The following PRRG1 variants were observed in gnomAD, a reference collection of about 807,000 sequenced individuals.
PRRG1 encodes proline rich and Gla domain 1.
Under a neutral mutation model 11.8 loss-of-function variants are expected in PRRG1, and 5 were observed. The observed-to-expected ratio is 0.42, with a 90% CI of 0.22 to 0.89. The LOEUF is 0.89. Ranked by LOEUF, PRRG1 falls within the 40% of genes least tolerant of loss-of-function variation. The pLI, the probability that PRRG1 is intolerant of heterozygous loss-of-function variation, is 0.28. For missense variants in PRRG1, 155 were observed against 166.1 expected, an observed-to-expected ratio of 0.93 and a Z score of 0.37; for synonymous variants, 66 against 60.4, an observed-to-expected ratio of 1.09 and a Z score of -0.43.
At chrX:37,420,938 A>G in intron 2 of PRRG1, among the ~76,000 whole-genome samples, 1 of 111,195 alleles carries the variant, frequency 9.0e-6, no homozygotes, top group Non-Finnish European at 1.9e-5. Context: ...CACACCCACC[A>G]GAAATATGCC....
intron 2 of PRRG1, 171 bp from the exon 3 acceptor site, chrX:37,425,669 A>G: frequency 2.4e-6 from 1 of 413,652 alleles, no homozygotes; most frequent in Non-Finnish European, 4.2e-6. Context: ...GGACATACTC[A>G]CATCATGAGG....
At position 37,411,890 on chromosome X, in the gene PRRG1, C is replaced by A. The variant is rs1250929721; in HGVS notation, c.10+5631C>A. Among the ~76,000 whole-genome samples the A allele has an allele frequency of 2.7e-5, 3 of 111,697 alleles. No homozygotes were observed. In the East Asian group the frequency reaches 8.4e-4, roughly 31 times the overall value. ...GAATAGCTTAATGATTGCAATCAGG[C>A]AGGTCTACTTTGTGGAGGATAATCT... is the stretch of plus-strand genomic sequence containing the variant. On this transcript the variant is annotated intron_variant, in intron 2 of 3. Transcript: ENST00000378628.
At chrX:37,431,365 G>C (rs1393059148) in intron 3 of PRRG1, among the ~76,000 whole-genome samples, 1 of 112,229 alleles carries the variant, frequency 8.9e-6, no homozygotes, top group Non-Finnish European at 1.9e-5. Flanking sequence ...CTCACCAACA[G>C]TGTTTGAGAG....
At chrX:37,426,516 G>C (rs1932776399) in intron 3 of PRRG1, among the ~76,000 whole-genome samples, 1 of 111,880 alleles carries the variant, frequency 8.9e-6, no homozygotes, top group African/African-American at 3.3e-5. Context: ...AAAGTCTATA[G>C]AACTGCTCCA....
chrX:37,418,566 T>A lies in PRRG1; in HGVS notation c.11-7274T>A, dbSNP rs182337717. Among the ~76,000 whole-genome samples, 483 of 112,278 alleles carry A rather than the reference T, an allele frequency of 4.3e-3. 5 individuals are homozygous for A. Among genetic ancestry groups the A allele is most frequent in the African/African-American group, 0.015 (470 of 30,947 alleles). On this transcript the variant is annotated intron_variant, in intron 2 of 3. Transcript: ENST00000378628. ...CTTTTTAAACATGATTTAAAAGATT[T>A]TTAAAAACCATATTTTTATAGAAAT...
intron 1 of PRRG1, among the ~76,000 whole-genome samples, chrX:37,367,965 C>T (rs1001631177): frequency 5.4e-5 from 6 of 112,129 alleles, no homozygotes; most frequent in Non-Finnish European, 9.4e-5. Context: ...AATATTGAGT[C>T]GTTTTGATGA....
chrX:37,353,834 G>T (rs782709974), intron 1 of PRRG1, among the ~76,000 whole-genome samples: 1 of 112,375 alleles, frequency 8.9e-6, no homozygotes, highest in African/African-American at 3.2e-5. Context: ...ACACAACAAC[G>T]AAATCGCCTA....
intron 2 of PRRG1, among the ~76,000 whole-genome samples, chrX:37,424,213 G>C (rs990516900): frequency 1.8e-5 from 2 of 111,581 alleles, no homozygotes; most frequent in African/African-American, 6.5e-5. Flanking sequence ...CTTTAAATTT[G>C]TTAACCCTAG....
intron 1 of PRRG1, among the ~76,000 whole-genome samples, chrX:37,400,921 A>G (rs1556380042): frequency 9.0e-6 from 1 of 111,528 alleles, no homozygotes; most frequent in Non-Finnish European, 1.9e-5. Context: ...ACACCCTCCC[A>G]AGACTAAACC....
intron 2 of PRRG1, among the ~76,000 whole-genome samples, chrX:37,414,060 A>T (rs1319703757): frequency 8.9e-6 from 1 of 111,840 alleles, no homozygotes; most frequent in Non-Finnish European, 1.9e-5. Context: ...AAAATCACCT[A>T]ACGATGCATT....
intron 2 of PRRG1, among the ~76,000 whole-genome samples, chrX:37,415,457 T>G (rs1733603612): frequency 8.9e-6 from 1 of 111,872 alleles, no homozygotes; most frequent in South Asian, 3.8e-4. Flanking sequence ...TGGTTAACAG[T>G]CCACTTTGGA....
At chrX:37,433,217 A>G (rs1391544698) in intron 3 of PRRG1, among the ~76,000 whole-genome samples, 1 of 111,560 alleles carries the variant, frequency 9.0e-6, no homozygotes, top group Non-Finnish European at 1.9e-5. Context: ...CAAAGTGCTC[A>G]GAATCACCCA....
chrX:37,429,767 G>C (rs1186694355), intron 3 of PRRG1, among the ~76,000 whole-genome samples: 1 of 111,565 alleles, frequency 9.0e-6, no homozygotes, highest in Non-Finnish European at 1.9e-5. Flanking sequence ...TATTGTATTA[G>C]TCGTTTTTAC....
chrX:37,396,767 G>A (rs1016851705), intron 1 of PRRG1, among the ~76,000 whole-genome samples: 4 of 110,736 alleles, frequency 3.6e-5, no homozygotes, highest in South Asian at 3.8e-4. Context: ...TTTGTCTCTC[G>A]TTTGCCAATT....
At chrX:37,408,077 T>G (rs2146584894) in intron 2 of PRRG1, among the ~76,000 whole-genome samples, 1 of 111,988 alleles carries the variant, frequency 8.9e-6, no homozygotes, top group South Asian at 3.7e-4. Context: ...TAAAAACTAT[T>G]CGGAATTCTG....
intron 1 of PRRG1, among the ~76,000 whole-genome samples, chrX:37,355,414 G>A (rs190855568): frequency 8.1e-4 from 91 of 111,941 alleles, no homozygotes; most frequent in Non-Finnish European, 1.5e-3. Context: ...GAATATGGAA[G>A]AACTGAAAAT....
Position 37,426,001 on chromosome X carries a change from G to GT in PRRG1, c.171+2dup. 3 of 1,173,107 alleles carry GT rather than the reference G, an allele frequency of 2.6e-6. No homozygotes were observed. The highest frequency in any genetic ancestry group is 3.6e-5 in the African/African-American group (2 of 55,745). ...AGCTTTTGAAAATAATGAAAAAACTGTAAGTATGTTGGCAATTAAAAAGTT... is the reference window on the plus strand; with the variant it reads ...AGCTTTTGAAAATAATGAAAAAACTGTTAAGTATGTTGGCAATTAAAAAGTT... On this transcript the variant is annotated splice_donor_variant, in intron 3 of 3. Transcript: ENST00000378628. LOFTEE classifies it high-confidence loss of function.
intron 2 of PRRG1, among the ~76,000 whole-genome samples, chrX:37,410,257 A>G (rs1296607772): frequency 8.9e-6 from 1 of 111,989 alleles, no homozygotes; most frequent in Non-Finnish European, 1.9e-5. Context: ...AGACAACCCT[A>G]TGTTGTAAAT....
intron 3 of PRRG1, among the ~76,000 whole-genome samples, chrX:37,436,606 A>T (rs182194351): frequency 1.8e-5 from 2 of 112,152 alleles, no homozygotes; most frequent in African/African-American, 6.5e-5. Context: ...GCAGGCAGAA[A>T]GTCCGATTCT....
Sources: gnomAD v4.1 joint callset for allele counts (sites outside exome capture counted in the v4.1 genomes callset) on GRCh38, gnomAD v4.1.1 for gene constraint, MANE v1.5 for transcripts, NCBI Gene and HGNC (gene_info 2026-07-23, HGNC 2026-07-21) for gene names.